Variants in MYO16 observed in about 807,000 individuals in gnomAD.
MYO16 encodes the protein myosin XVI, also known as unconventional myosin-XVI.
A neutral mutation model predicts 205.3 loss-of-function variants in MYO16; 94 were observed. The observed-to-expected ratio is 0.46, with a 90% CI of 0.39 to 0.54. MYO16 has a LOEUF of 0.54. MYO16 is among the 20% of genes least tolerant of loss of function. The probability of loss-of-function intolerance (pLI) is 0.00; values close to 1 mark genes in which losing one functional copy is unlikely to be tolerated. For missense variants in MYO16, 2,315 were observed against 2,387.5 expected (o/e 0.97, Z 0.63); for synonymous variants, 988 against 954.0 (o/e 1.04, Z -0.66).
chr13:108,866,050 A>G lies in MYO16; in HGVS notation c.1360-127A>G, dbSNP rs1340913638. ...AAATTGCAAAATATTAAAAAATAGC[A>G]AAATACTAAAGTAGATTTTTTCTTA... is the stretch of plus-strand genomic sequence containing the variant. On this transcript the variant is annotated intron_variant, in intron 11 of 34. Coordinates refer to ENST00000457511, the MANE Select transcript of MYO16 (RefSeq NM_001198950.3). 8.9e-6 allele frequency: 5 copies of G among 559,386 alleles called. No homozygotes were observed. In the East Asian group the frequency reaches 1.8e-4, roughly 20 times the overall value. The allele number at this position is 559,386 out of a possible 1,614,324, so 34.7% of individuals were successfully genotyped here.
chr13:108,743,356 T>C (rs1015324158), intron 4 of MYO16, among the ~76,000 whole-genome samples: 3 of 152,220 alleles, frequency 2.0e-5, no homozygotes, highest in African/African-American at 7.2e-5. Context: ...TTCAAGAAAT[T>C]GATACTAGAG....
intron 4 of MYO16, among the ~76,000 whole-genome samples, chr13:108,764,199 CT>C (rs1161682336): frequency 6.6e-6 from 1 of 152,070 alleles, no homozygotes; most frequent in Non-Finnish European, 1.5e-5. Context: ...ATACATTTTA[CT>C]GTGTGAAACA....
At chr13:109,175,657 A>C (rs1879137057) in intron 33 of MYO16, among the ~76,000 whole-genome samples, 1 of 152,182 alleles carries the variant, frequency 6.6e-6, no homozygotes, top group Admixed American at 6.5e-5. Flanking sequence ...TGAATCTCTA[A>C]GCTGGGAATT....
At chr13:108,682,095 GT>G (rs910171853) in intron 2 of MYO16, among the ~76,000 whole-genome samples, 2 of 152,182 alleles carry the variant, frequency 1.3e-5, no homozygotes, top group African/African-American at 4.8e-5. Context: ...GATTCTAGTG[GT>G]TTTCAACTTC....
At chr13:109,080,887 T>TA (rs1156864741) in intron 27 of MYO16, among the ~76,000 whole-genome samples, 1 of 152,184 alleles carries the variant, frequency 6.6e-6, no homozygotes, top group Non-Finnish European at 1.5e-5. Context: ...GAATGAGGCT[T>TA]AAAAAATTAG....
chr13:108,620,643 A>G (rs1243333660), intron 1 of MYO16, among the ~76,000 whole-genome samples: 1 of 152,190 alleles, frequency 6.6e-6, no homozygotes, highest in Non-Finnish European at 1.5e-5. Flanking sequence ...AAGCAGAGAT[A>G]GGGATGGAGA....
the MYO16 span, among the ~76,000 whole-genome samples, chr13:108,572,411 G>A: frequency 1.4e-5 from 2 of 138,172 alleles, no homozygotes; most frequent in South Asian, 2.4e-4. Context: ...AATTTCTAAT[G>A]TTCAGTTATT....
At chr13:109,091,587 C>T (rs1888624546) in intron 27 of MYO16, among the ~76,000 whole-genome samples, 1 of 152,174 alleles carries the variant, frequency 6.6e-6, no homozygotes, top group African/African-American at 2.4e-5. Flanking sequence ...GCTTCTCTTC[C>T]TCTGCAGTGC....
chr13:108,680,421 C>T (rs1319944696), intron 2 of MYO16, among the ~76,000 whole-genome samples: 1 of 152,080 alleles, frequency 6.6e-6, no homozygotes, highest in Non-Finnish European at 1.5e-5. Context: ...GTCAGATTGC[C>T]AGCTGTCTAG....
At chr13:108,708,117 A>G (rs969293716) in intron 2 of MYO16, among the ~76,000 whole-genome samples, 2 of 152,216 alleles carry the variant, frequency 1.3e-5, no homozygotes, top group Admixed American at 1.3e-4. Context: ...CATTCATCTT[A>G]ATAAAATCCT....
chr13:108,917,191 T>C (rs939027855), intron 16 of MYO16, among the ~76,000 whole-genome samples: 1 of 152,134 alleles, frequency 6.6e-6, no homozygotes, highest in Non-Finnish European at 1.5e-5. Flanking sequence ...CTAGGCCCCC[T>C]AACTTAAGAG....
intron 2 of MYO16, among the ~76,000 whole-genome samples, chr13:108,709,511 A>C (rs1883642497): frequency 7.4e-6 from 1 of 135,164 alleles, no homozygotes; most frequent in Admixed American, 7.6e-5. Flanking sequence ...AGTAAAAGAA[A>C]GAGTGACGAT....
rs372464907 is a variant in MYO16 at position 108,651,268 on chromosome 13, C to T, written c.29-14618C>T. Among the ~76,000 whole-genome samples the T allele has an allele frequency of 2.0e-3, 302 of 152,286 alleles. 8 individuals carry two copies. The South Asian group carries it at 0.061, about 31-fold the overall frequency. On this transcript the variant is annotated intron_variant, in intron 1 of 34. Transcript: ENST00000457511. Reference sequence around the variant, plus strand: ...GTGGCACAACCTGCAGGGCATAGTACACTCTGTCAGCCATAGGTTTGACTG... The same window carrying T: ...GTGGCACAACCTGCAGGGCATAGTATACTCTGTCAGCCATAGGTTTGACTG...
intron 27 of MYO16, among the ~76,000 whole-genome samples, chr13:109,061,422 A>G (rs747821632): frequency 1.4e-4 from 22 of 152,128 alleles, no homozygotes; most frequent in Non-Finnish European, 2.9e-4. Flanking sequence ...ATTAAAAGTG[A>G]GAGATGTGCA....
Position 108,752,808 on chromosome 13 carries a change from A to ATCTTTTTT in MYO16, c.507+25226_507+25227insCTTTTTTT, listed in dbSNP as rs751233713. Among the ~76,000 whole-genome samples, 92 of 90,584 alleles carry ATCTTTTTT rather than the reference A, an allele frequency of 1.0e-3. 17 individuals are homozygous for ATCTTTTTT. The highest frequency in any genetic ancestry group is 1.1e-3 in the East Asian group (3 of 2,638). 59.4% of individuals were successfully genotyped at this position (90,584 alleles called of 152,430 possible). A position where few individuals can be genotyped will look rare whatever the true frequency, so the allele number is the denominator to read the frequency against. On this transcript the variant is annotated intron_variant, in intron 4 of 34. Transcript: ENST00000457511. ...AGACACCTGCCACCGTGCCCAGCTA[A>ATCTTTTTT]TTTTTTTTTTTTTTTTTTTTTTTTT...
At chr13:108,857,887 A>G (rs1405742727) in intron 11 of MYO16, among the ~76,000 whole-genome samples, 20 of 151,830 alleles carry the variant, frequency 1.3e-4, no homozygotes, top group Admixed American at 1.3e-3. Flanking sequence ...TATTAATACT[A>G]CTCTCTGCTT....
chr13:108,601,544 A>G (rs1173951048), intron 1 of MYO16, among the ~76,000 whole-genome samples: 2 of 129,916 alleles, frequency 1.5e-5, no homozygotes, highest in African/African-American at 2.5e-5. Flanking sequence ...ATATGACAAT[A>G]TAGTAATTTT....
intron 7 of MYO16, among the ~76,000 whole-genome samples, chr13:108,808,290 T>A (rs1887176809): frequency 9.3e-6 from 1 of 107,012 alleles, no homozygotes; most frequent in African/African-American, 3.0e-5. Context: ...AAATAGAACC[T>A]TCTTCTTTGC....
At position 108,866,165 on chromosome 13, in the gene MYO16, CT is replaced by C; in HGVS notation, c.1360-6del. ...TATGACTCATGAACTGTTTGCATCC[CT>C]TTTTTCACAGACATTCATTGGAGAC... On this transcript the variant is annotated splice_polypyrimidine_tract_variant and intron_variant, in intron 11 of 34. Transcript: ENST00000457511. 1.9e-6 allele frequency: 3 copies of C among 1,589,590 alleles called. No individual in the cohort carries two copies. The highest frequency in any genetic ancestry group is 2.3e-5 in the East Asian group (1 of 44,242).
Sources: gnomAD v4.1 joint callset for allele counts (sites outside exome capture counted in the v4.1 genomes callset) on GRCh38, gnomAD v4.1.1 for gene constraint, MANE v1.5 for transcripts, NCBI Gene and HGNC (gene_info 2026-07-23, HGNC 2026-07-21) for gene names.